Variants in ADGB observed in about 807,000 individuals in gnomAD.
ADGB encodes the protein calpain-7-like protein.
ADGB carries 172 observed loss-of-function variants against 210.5 expected under a neutral mutation model. The ratio of observed to expected loss-of-function variants is 0.82; its 90% CI spans 0.72 to 0.93. ADGB has a LOEUF of 0.93. ADGB is among the 40% of genes least tolerant of loss of function. The pLI is 0.00. For synonymous variants in ADGB, 658 were observed against 662.7 expected (o/e 0.99, Z 0.11); for missense variants, 2,025 against 1,964.8 (o/e 1.03, Z -0.58).
intron 13 of ADGB, among the ~76,000 whole-genome samples, chr6:146,714,413 C>T (rs964181826): frequency 6.6e-6 from 1 of 151,888 alleles, no homozygotes; most frequent in Non-Finnish European, 1.5e-5. Flanking sequence ...CCATGAAGGT[C>T]GAGCAGCACA....
rs764026360 is a variant in ADGB at position 146,740,453 on chromosome 6, T to C, written c.2889-6T>C. ...ATTGATACATAATTTATTTTTATAT[T>C]TCTAGACTAATGTTTAAAAGCAAGT... On this transcript the variant is annotated splice_region_variant and splice_polypyrimidine_tract_variant and intron_variant, in intron 23 of 35. Transcript: ENST00000397944. 1.3e-6 allele frequency: 2 copies of C among 1,529,772 alleles called. No individual in the cohort carries two copies. Among genetic ancestry groups the C allele is most frequent in the South Asian group, 2.5e-5 (2 of 81,162 alleles). The allele number at this position is 1,529,772 out of a possible 1,614,324, so 94.8% of individuals were successfully genotyped here.
At chr6:146,663,935 G>A (rs1775902422) in intron 5 of ADGB, among the ~76,000 whole-genome samples, 1 of 151,936 alleles carries the variant, frequency 6.6e-6, no homozygotes, top group African/African-American at 2.4e-5. Flanking sequence ...ATGCAGTAAG[G>A]GACTCCCAAG....
chr6:146,814,772 T>C (rs768456605), intron 35 of ADGB, among the ~76,000 whole-genome samples: 2 of 152,102 alleles, frequency 1.3e-5, no homozygotes, highest in African/African-American at 2.4e-5. Context: ...AGAATACCTT[T>C]GGGGAAAAAA....
intron 27 of ADGB, among the ~76,000 whole-genome samples, chr6:146,753,568 A>G (rs1777358183): frequency 6.6e-6 from 1 of 151,978 alleles, no homozygotes; most frequent in Admixed American, 6.6e-5. Flanking sequence ...GCTTCTAATA[A>G]TTAGACTTTA....
chr6:146,638,464 T>G (rs1278739770), intron 2 of ADGB, among the ~76,000 whole-genome samples: 1 of 151,744 alleles, frequency 6.6e-6, no homozygotes, highest in Admixed American at 6.6e-5. Context: ...GGGACATGGA[T>G]GAAGCTGGAA....
In ADGB at chr6:146,656,834, A is replaced by G. The variant is rs1775788763; in HGVS notation, c.466A>G (p.Ser156Gly). 6 of 1,551,290 alleles carry G rather than the reference A, an allele frequency of 3.9e-6. No homozygotes were observed. The African/African-American group carries it at 8.2e-5, about 21-fold the overall frequency. Residue 156 changes from serine to glycine, a missense_variant, in exon 5 of 36, where the codon AGC becomes GGC. Transcript: ENST00000397944. Reference protein sequence around the residue: ...VWKIFNGGILSNYFKGTSGEP... With the variant: ...VWKIFNGGILGNYFKGTSGEP... ...GAAGATCTTCAATGGAGGAATTTTG[A>G]GCAATTATTTTAAGGGGACTTCAGG...
At chr6:146,705,977 G>A (rs1409217164) in intron 13 of ADGB, among the ~76,000 whole-genome samples, 2 of 152,032 alleles carry the variant, frequency 1.3e-5, no homozygotes, top group African/African-American at 4.8e-5. Flanking sequence ...AGGCTGGAGT[G>A]CAGTGGCATG....
chr6:146,727,522 T>G (rs1292164159), intron 19 of ADGB, among the ~76,000 whole-genome samples: 1 of 152,226 alleles, frequency 6.6e-6, no homozygotes. Flanking sequence ...GTATACATTG[T>G]CAGTTTGTTG....
chr6:146,786,799 G>A lies in ADGB; in HGVS notation c.4315+1087G>A, dbSNP rs1227143449. On this transcript the variant is annotated intron_variant, in intron 32 of 35. Coordinates refer to ENST00000397944, the MANE Select transcript of ADGB (RefSeq NM_024694.4). ...TTCAGTTCTTGTCTTTTAGGCTATAGATTTATTATTTTTTTTATATTTTGT... is the reference window on the plus strand; with the variant it reads ...TTCAGTTCTTGTCTTTTAGGCTATAAATTTATTATTTTTTTTATATTTTGT... Among the ~76,000 whole-genome samples, 4 of 152,096 alleles carry A rather than the reference G, an allele frequency of 2.6e-5. No homozygotes were observed. The South Asian group carries it at 8.3e-4, about 32-fold the overall frequency.
chr6:146,617,223 T>G (rs1277710807), intron 1 of ADGB, among the ~76,000 whole-genome samples: 1 of 152,166 alleles, frequency 6.6e-6, no homozygotes, highest in South Asian at 2.1e-4. Context: ...ATGAGATTGC[T>G]TTCTTGATTT....
chr6:146,668,456 A>T (rs1217111400), intron 7 of ADGB, among the ~76,000 whole-genome samples: 3 of 152,090 alleles, frequency 2.0e-5, no homozygotes, highest in African/African-American at 4.8e-5. Flanking sequence ...GGAGGGTAGG[A>T]GCTGATCTTG....
At chr6:146,649,929 A>G (rs1481667224) in intron 3 of ADGB, among the ~76,000 whole-genome samples, 1 of 152,212 alleles carries the variant, frequency 6.6e-6, no homozygotes, top group Non-Finnish European at 1.5e-5. Flanking sequence ...CGAATAGCAC[A>G]ATACACATAC....
At chr6:146,730,729 C>A (rs1776968887) in intron 20 of ADGB, among the ~76,000 whole-genome samples, 1 of 152,074 alleles carries the variant, frequency 6.6e-6, no homozygotes, top group Non-Finnish European at 1.5e-5. Context: ...GCTTATTTAG[C>A]TTTTTAGAAA....
intron 9 of ADGB, among the ~76,000 whole-genome samples, chr6:146,679,629 G>A (rs1244006788): frequency 6.6e-6 from 1 of 152,166 alleles, no homozygotes; most frequent in Non-Finnish European, 1.5e-5. Context: ...ATTATAAAGT[G>A]TAAAGTGGGT....
intron 33 of ADGB, among the ~76,000 whole-genome samples, chr6:146,800,279 C>G (rs1778108947): frequency 6.6e-6 from 1 of 152,078 alleles, no homozygotes; most frequent in Non-Finnish European, 1.5e-5. Flanking sequence ...ACCCAGTAAT[C>G]CACTCCTACT....
intron 28 of ADGB, 89 bp downstream of exon 28, chr6:146,764,189 A>G (rs373564846): frequency 4.3e-6 from 5 of 1,170,028 alleles, no homozygotes; most frequent in South Asian, 3.4e-5. Context: ...GTCAATATAC[A>G]GTGTGCAGTG....
intron 35 of ADGB, among the ~76,000 whole-genome samples, chr6:146,810,219 A>G (rs916708859): frequency 6.6e-6 from 1 of 152,252 alleles, no homozygotes; most frequent in Admixed American, 6.5e-5. Flanking sequence ...ACTCAGCATC[A>G]TTAATCATTA....
chr6:146,688,605 A>C (rs1211687679), intron 10 of ADGB, among the ~76,000 whole-genome samples: 1 of 152,116 alleles, frequency 6.6e-6, no homozygotes, highest in Non-Finnish European at 1.5e-5. Context: ...TTTAAGGCTT[A>C]AGGTGCCCAG....
intron 1 of ADGB, among the ~76,000 whole-genome samples, chr6:146,605,002 T>C (rs1334964627): frequency 6.6e-6 from 1 of 152,108 alleles, no homozygotes; most frequent in Non-Finnish European, 1.5e-5. Flanking sequence ...GGGCGGTTAG[T>C]GCAGGCAACA....
Sources: allele counts gnomAD v4.1 joint callset (sites outside exome capture counted in the v4.1 genomes callset), GRCh38; gene constraint gnomAD v4.1.1; transcripts MANE v1.5; gene names NCBI Gene and HGNC (gene_info 2026-07-23, HGNC 2026-07-21).